The following WDR70 variants were observed in gnomAD, a reference collection of about 807,000 sequenced individuals.
WDR70 encodes the protein WD repeat-containing protein 70.
Under a neutral mutation model 88.6 loss-of-function variants are expected in WDR70, and 53 were observed. That is an observed-to-expected ratio of 0.60 (90% CI 0.48 to 0.75). WDR70 has a LOEUF of 0.75. Ranked by LOEUF, WDR70 falls within the 30% of genes least tolerant of loss-of-function variation. The probability of loss-of-function intolerance (pLI) is 0.00; values close to 1 mark genes in which losing one functional copy is unlikely to be tolerated. For synonymous variants in WDR70, 280 were observed against 270.0 expected, an observed-to-expected ratio of 1.04 and a Z score of -0.36; for missense variants, 610 against 823.2, an observed-to-expected ratio of 0.74 and a Z score of 3.17.
intron 5 of WDR70, among the ~76,000 whole-genome samples, chr5:37,418,856 T>G (rs1453741658): frequency 6.6e-6 from 1 of 151,716 alleles, no homozygotes; most frequent in Non-Finnish European, 1.5e-5. Flanking sequence ...CTCCGCCTCC[T>G]AGGTTCAAGC....
intron 7 of WDR70, 73 bp from the exon 8 acceptor site, chr5:37,479,761 G>A (rs1739602362): frequency 6.8e-7 from 1 of 1,461,568 alleles, no homozygotes; most frequent in Non-Finnish European, 9.2e-7. Context: ...TTTTTTTCTG[G>A]CAATACTTAA....
At chr5:37,514,527 C>A (rs1466638528) in intron 8 of WDR70, among the ~76,000 whole-genome samples, 1 of 151,164 alleles carries the variant, frequency 6.6e-6, no homozygotes, top group Non-Finnish European at 1.5e-5. Context: ...GCTATTCTTC[C>A]TGATGTTCTC....
intron 9 of WDR70, among the ~76,000 whole-genome samples, chr5:37,574,870 G>C (rs1263541466): frequency 1.3e-5 from 2 of 152,104 alleles, no homozygotes; most frequent in Non-Finnish European, 1.5e-5. Context: ...AAGTCTATCT[G>C]TTGTACATCT....
At chr5:37,560,763 CTATTCGT>C (rs1182391959) in intron 9 of WDR70, among the ~76,000 whole-genome samples, 3 of 150,868 alleles carry the variant, frequency 2.0e-5, no homozygotes, top group Non-Finnish European at 4.4e-5. Context: ...ATCCTATTAG[CTATTCGT>C]CATTTATTTT....
rs778689407 is a variant in WDR70 at position 37,396,416 on chromosome 5, CTGA to C, written c.345_347del (p.Asp115del). On this transcript the variant is annotated inframe_deletion, in exon 5 of 18. Coordinates refer to ENST00000265107, the MANE Select transcript of WDR70 (RefSeq NM_018034.4). ...GAAAGTGAACAGAGTTCTGACTCTT[CTGA>C]TGATGAGTTAATTGGCCCTCCTTTA... The C allele has an allele frequency of 1.2e-6, 2 of 1,613,624 alleles. No homozygotes were observed. The highest frequency in any genetic ancestry group is 1.3e-5 in the African/African-American group (1 of 74,896).
chr5:37,596,993 G>A (rs1249446355), intron 9 of WDR70, among the ~76,000 whole-genome samples: 2 of 152,038 alleles, frequency 1.3e-5, no homozygotes, highest in Non-Finnish European at 2.9e-5. Context: ...GCTTCTTTAA[G>A]CAGAATGTAT....
chr5:37,652,024 A>C (rs1036017613), intron 10 of WDR70, among the ~76,000 whole-genome samples: 1 of 152,218 alleles, frequency 6.6e-6, no homozygotes, highest in South Asian at 2.1e-4. Context: ...GCCCATGCCA[A>C]TGTCCTGAAT....
chr5:37,543,445 T>C (rs1741890285), intron 9 of WDR70, among the ~76,000 whole-genome samples: 1 of 152,176 alleles, frequency 6.6e-6, no homozygotes, highest in Non-Finnish European at 1.5e-5. Context: ...TGCACTTTCT[T>C]TTAAATGGTA....
intron 9 of WDR70, among the ~76,000 whole-genome samples, chr5:37,546,334 C>A (rs1048425121): frequency 1.3e-5 from 2 of 152,092 alleles, no homozygotes; most frequent in Non-Finnish European, 2.9e-5. Flanking sequence ...TTCTGTATTG[C>A]CATATGTAAC....
chr5:37,391,429 G>A (rs981137524), intron 3 of WDR70, among the ~76,000 whole-genome samples: 5 of 152,012 alleles, frequency 3.3e-5, no homozygotes, highest in Admixed American at 3.3e-4. Flanking sequence ...CCTCCCTCTA[G>A]CCTCTGATAA....
At position 37,483,752 on chromosome 5, in the gene WDR70, G is replaced by A. The variant is rs548306543; in HGVS notation, c.840+3765G>A. 6.0e-5 allele frequency among the ~76,000 whole-genome samples: 9 copies of A among 151,060 alleles called. No homozygotes were observed. In the East Asian group the frequency reaches 1.8e-3, roughly 30 times the overall value. ...GTGCCCCCCACCTCCCTCCCGGACG[G>A]GGCGGCTGGCCGGGCGGGGGCTGAC... On this transcript the variant is annotated intron_variant, in intron 8 of 17. Transcript: ENST00000265107.
chr5:37,632,975 A>G (rs932895602), intron 10 of WDR70, among the ~76,000 whole-genome samples: 1 of 152,064 alleles, frequency 6.6e-6, no homozygotes, highest in Non-Finnish European at 1.5e-5. Flanking sequence ...CTGTGTGTAG[A>G]TATGTTTAGA....
At chr5:37,645,330 AT>A (rs1374966436) in intron 10 of WDR70, among the ~76,000 whole-genome samples, 1 of 151,770 alleles carries the variant, frequency 6.6e-6, no homozygotes, top group Non-Finnish European at 1.5e-5. Flanking sequence ...TTCTAGGTTT[AT>A]TCCATTGTGG....
intron 13 of WDR70, among the ~76,000 whole-genome samples, chr5:37,714,105 T>C (rs1487918011): frequency 1.3e-5 from 2 of 152,208 alleles, no homozygotes; most frequent in African/African-American, 4.8e-5. Context: ...ACCTGTACTA[T>C]AGTAAGATAA....
At chr5:37,464,274 G>A (rs1739095592) in intron 7 of WDR70, among the ~76,000 whole-genome samples, 1 of 152,136 alleles carries the variant, frequency 6.6e-6, no homozygotes, top group African/African-American at 2.4e-5. Flanking sequence ...TCTTTCTTTA[G>A]AGACTTTGGT....
intron 8 of WDR70, chr5:37,506,158 C>T: frequency 1.9e-6 from 2 of 1,056,152 alleles, no homozygotes. Context: ...TATCGAAGGT[C>T]CTAACGAGAA....
Position 37,493,301 on chromosome 5 carries a change from C to T in WDR70, c.840+13314C>T, listed in dbSNP as rs958931611. 1.1e-4 allele frequency among the ~76,000 whole-genome samples: 16 copies of T among 152,144 alleles called. 1 individual carries two copies. Among genetic ancestry groups the T allele is most frequent in the Admixed American group, 1.0e-3 (16 of 15,274 alleles). On this transcript the variant is annotated intron_variant, in intron 8 of 17. Coordinates refer to ENST00000265107, the MANE Select transcript of WDR70 (RefSeq NM_018034.4). ...AAATCAGGGTGTCAGTAAGACTGCA[C>T]GCTACTAGGTCAGCATTCCTAATGC...
intron 15 of WDR70, 120 bp from the exon 16 acceptor site, chr5:37,724,814 A>G: frequency 1.0e-6 from 1 of 978,746 alleles, no homozygotes; most frequent in Non-Finnish European, 1.6e-6. Flanking sequence ...GTCTTTTATT[A>G]TCAGATCAAG....
intron 8 of WDR70, among the ~76,000 whole-genome samples, chr5:37,484,091 G>T (rs1253029178): frequency 1.3e-5 from 2 of 151,998 alleles, no homozygotes; most frequent in African/African-American, 4.8e-5. Flanking sequence ...GGGCAGAGGG[G>T]CTCCTCACAT....
Sources: allele counts gnomAD v4.1 joint callset (sites outside exome capture counted in the v4.1 genomes callset), GRCh38; gene constraint gnomAD v4.1.1; transcripts MANE v1.5; gene names NCBI Gene and HGNC (gene_info 2026-07-23, HGNC 2026-07-21).